SCN4A: variants seen among roughly 807,000 people sequenced by gnomAD.
SCN4A encodes sodium channel protein type 4 subunit alpha.
Under a neutral mutation model 162.0 loss-of-function variants are expected in SCN4A, and 83 were observed. The observed-to-expected ratio is 0.51, with a 90% CI of 0.43 to 0.61. SCN4A has a LOEUF of 0.61. Among genes scored for constraint, SCN4A ranks in the 20% least tolerant of loss-of-function variants. The pLI, the probability that SCN4A is intolerant of heterozygous loss-of-function variation, is 0.00. For synonymous variants in SCN4A, 944 were observed against 985.1 expected (o/e 0.96, Z 0.78); for missense variants, 2,196 against 2,462.5 (o/e 0.89, Z 2.29).
chr17:63,943,740 C>G lies in SCN4A; in HGVS notation c.4017+6G>C. The G allele has an allele frequency of 6.3e-7, 1 of 1,588,022 alleles. No homozygotes were observed. The highest frequency in any genetic ancestry group is 8.6e-7 in the Non-Finnish European group (1 of 1,156,672). ...CACACAGGACAGGGGGCCCAGAGGT[C>G]TGTACCTGGGGCCGGGGAATTGGCT... On this transcript the variant is annotated splice_donor_region_variant and intron_variant, in intron 22 of 23. Transcript: ENST00000435607.
chr17:63,949,768 G>T, intron 14 of SCN4A: 1 of 438,460 alleles, frequency 2.3e-6, no homozygotes, highest in Non-Finnish European at 4.1e-6. Flanking sequence ...CCTGGGAAGG[G>T]ACGGTAAGGG....
At chr17:63,955,197 G>A (rs2144790948) in intron 13 of SCN4A, among the ~76,000 whole-genome samples, 1 of 152,298 alleles carries the variant, frequency 6.6e-6, no homozygotes, top group East Asian at 1.9e-4. Flanking sequence ...TGTGGTTCTG[G>A]GCAGTGCCTC....
Position 63,948,732 on chromosome 17 carries a change from T to C in SCN4A, c.3023A>G (p.Asp1008Gly). ...CTTCTTCCCACGGCCCTGGGAGATG[T>C]CCACGTAGAGGCAGGGCCAGCGCTG... Reference protein sequence around the residue: ...CVQRWPCLYVDISQGRGKKWW... With the variant: ...CVQRWPCLYVGISQGRGKKWW... Residue 1008 changes from aspartate to glycine, a missense_variant, in exon 16 of 24, where the codon GAC becomes GGC. Coordinates refer to ENST00000435607, the MANE Select transcript of SCN4A (RefSeq NM_000334.4). The C allele has an allele frequency of 6.2e-7, 1 of 1,612,870 alleles. No homozygotes were observed. The highest frequency in any genetic ancestry group is 8.5e-7 in the Non-Finnish European group (1 of 1,179,342).
Position 63,949,537 on chromosome 17 carries a change from G to T in SCN4A, c.2854-9C>A, listed in dbSNP as rs529927463. 3 of 1,599,884 alleles carry T rather than the reference G, an allele frequency of 1.9e-6. No individual in the cohort carries two copies. The South Asian group carries it at 3.3e-5, about 18-fold the overall frequency. On this transcript the variant is annotated splice_polypyrimidine_tract_variant and intron_variant, in intron 14 of 23. Coordinates refer to ENST00000435607, the MANE Select transcript of SCN4A (RefSeq NM_000334.4). ...AGAGGCTGCGGCGGCTTCTGCGGAG[G>T]CCACAGGGTCACATGACATCTGGGT...
At chr17:63,964,051 T>C (rs927922648) in intron 9 of SCN4A, among the ~76,000 whole-genome samples, 8 of 152,182 alleles carry the variant, frequency 5.3e-5, no homozygotes, top group African/African-American at 1.9e-4. Context: ...CCCTTGACTC[T>C]GATGCCCTGA....
At position 63,972,388 on chromosome 17, in the gene SCN4A, A is replaced by T; in HGVS notation, c.356T>A (p.Val119Glu). ...CACCTTGATGGCCCCGCGCCTGACT[A>T]CGCTGAAGGGGCTCAGCAGGTAGAG... ...PALYLLSPFS[V>E]VRRGAIKVLI... Residue 119 changes from valine (V) to glutamate (E), a missense_variant, in exon 2 of 24, where the codon GTA (valine) becomes GAA (glutamate). Coordinates refer to ENST00000435607, the MANE Select transcript of SCN4A (RefSeq NM_000334.4). This position sits in a 1 kb window ranked among gnomAD's most constrained non-coding sequence, Gnocchi z 4.3. The T allele has an allele frequency of 6.2e-7, 1 of 1,613,946 alleles. No individual in the cohort carries two copies. The highest frequency in any genetic ancestry group is 8.5e-7 in the Non-Finnish European group (1 of 1,179,856).
chr17:63,949,720 C>T (rs1374874364), intron 14 of SCN4A, 192 bp from the exon 15 acceptor site: 7 of 583,888 alleles, frequency 1.2e-5, no homozygotes, highest in African/African-American at 5.7e-5. Context: ...TGGTCATGCC[C>T]GCATGACACT....
At position 63,949,484 on chromosome 17, in the gene SCN4A, G is replaced by A; in HGVS notation, c.2898C>T (p.Ser966=). Residue 966 remains serine (S), a synonymous_variant, in exon 15 of 24, where the codon AGC becomes AGT. Transcript: ENST00000435607. ...CCTCGGGGGGCTTGTAGTCAGCTGT[G>A]CTGCAGACGGACGAGTTCCCATCAT... ...PLYDGNSSVC[S]TADYKPPEED... The A allele has an allele frequency of 6.2e-7, 1 of 1,612,740 alleles. No homozygotes were observed. The highest frequency in any genetic ancestry group is 8.5e-7 in the Non-Finnish European group (1 of 1,179,252).
At chr17:63,952,268 C>T (rs746495955) in intron 13 of SCN4A, among the ~76,000 whole-genome samples, 2 of 151,422 alleles carry the variant, frequency 1.3e-5, no homozygotes. Flanking sequence ...TGCTGTGGCG[C>T]GATTTCGGCT....
intron 5 of SCN4A, among the ~76,000 whole-genome samples, chr17:63,969,602 T>C (rs1296730596): frequency 6.6e-6 from 1 of 152,206 alleles, no homozygotes; most frequent in Non-Finnish European, 1.5e-5. Context: ...GGCTTTAGAC[T>C]AGAAGATAGC....
At chr17:63,964,824 G>C (rs984954010) in intron 8 of SCN4A, 147 bp from the exon 9 acceptor site, 4 of 648,028 alleles carry the variant, frequency 6.2e-6, no homozygotes, top group Admixed American at 2.8e-5. Flanking sequence ...TCATTGGCAT[G>C]CTGAGCCATG....
rs928381225 is a variant in SCN4A, at chr17:63,947,872, C to T, written c.3318+18G>A. ...CAGCCTCTGGATGTAGCTACGGGGC[C>T]AGCGTGGGGGGACTCACATCCACGA... On this transcript the variant is annotated intron_variant, in intron 17 of 23. Coordinates refer to ENST00000435607, the MANE Select transcript of SCN4A (RefSeq NM_000334.4). 4 of 1,611,524 alleles carry T rather than the reference C, an allele frequency of 2.5e-6. No individual in the cohort carries two copies. The highest frequency in any genetic ancestry group is 3.3e-5 in the Admixed American group (2 of 59,818).
At position 63,941,740 on chromosome 17, in the gene SCN4A, A is replaced by G; in HGVS notation, c.4542T>C (p.Asp1514=). The G allele has an allele frequency of 3.1e-6, 5 of 1,614,036 alleles. No individual in the cohort carries two copies. The highest frequency in any genetic ancestry group is 1.1e-5 in the South Asian group (1 of 91,078). ...FAYVKKESGI[D]DMFNFETFGN... is the part of the protein sequence containing the mutation. ...CGAAGGTCTCGAAGTTGAACATATC[A>G]TCGATGCCCGACTCCTTCTTGACGT... Residue 1514 remains aspartate (D), a synonymous_variant, in exon 24 of 24, where the codon GAT becomes GAC. Transcript: ENST00000435607. The surrounding 1 kb of genome is among the most constrained non-coding windows in gnomAD (Gnocchi z 6.2).
chr17:63,943,417 C>A (rs1293269147), intron 22 of SCN4A, among the ~76,000 whole-genome samples: 1 of 152,104 alleles, frequency 6.6e-6, no homozygotes. Context: ...TGGACATCCT[C>A]CTCCTTCCAC....
At chr17:63,946,473 C>CA (rs1555601586) in intron 18 of SCN4A, among the ~76,000 whole-genome samples, 4 of 122,490 alleles carry the variant, frequency 3.3e-5, no homozygotes, top group South Asian at 2.6e-4. Flanking sequence ...CCCCCCCCCC[C>CA]ACCCCGCCGC....
intron 12 of SCN4A, 52 bp downstream of exon 12, chr17:63,959,213 G>A (rs1597978562): frequency 6.6e-7 from 1 of 1,520,418 alleles, no homozygotes; most frequent in Admixed American, 1.8e-5. Flanking sequence ...ACCCTCCTTA[G>A]TCTCCTCACC....
Position 63,968,087 on chromosome 17 carries a change from C to T in SCN4A, c.972G>A (p.Trp324Ter), listed in dbSNP as rs1461934536. Residue 324 changes from tryptophan to a stop codon, truncating the protein, a stop_gained, in exon 6 of 24, where the codon TGG (tryptophan) becomes TGA (stop). Transcript: ENST00000435607. LOFTEE classifies it high-confidence loss of function. ...GNDSWYANDTWNSHASWATND... is the reference protein window; with the variant it reads ...GNDSWYANDT ...TGGTGGCCCAGCTTGCATGGCTGTT[C>T]CACGTGTCGTTGGCATACCATGAGT... 4 of 1,613,968 alleles carry T rather than the reference C, an allele frequency of 2.5e-6. No individual in the cohort carries two copies. Among genetic ancestry groups the T allele is most frequent in the Non-Finnish European group, 3.4e-6 (4 of 1,179,882 alleles).
At position 63,971,258 on chromosome 17, in the gene SCN4A, G is replaced by A; in HGVS notation, c.612-5C>T. The A allele has an allele frequency of 6.8e-7, 1 of 1,472,122 alleles. No individual in the cohort carries two copies. The highest frequency in any genetic ancestry group is 9.3e-7 in the Non-Finnish European group (1 of 1,077,490). 91.2% of individuals were successfully genotyped at this position (1,472,122 alleles called of 1,614,324 possible). The stretch of plus-strand genomic sequence containing the variant: ...TCCACAAACTCTGTCAGGTACCTGG[G>A]TAGGGGGTGGAGGGGGGTGGGGACT... On this transcript the variant is annotated splice_polypyrimidine_tract_variant and splice_region_variant and intron_variant, in intron 4 of 23. Coordinates refer to ENST00000435607, the MANE Select transcript of SCN4A (RefSeq NM_000334.4).
Position 63,951,936 on chromosome 17 carries a change from C to A in SCN4A, c.2377-36G>T. ...GGGTCAGGGGGAGCCTCACATCAGT[C>A]CCCGGGACCCAGAGGGTGCCACCTT... On this transcript the variant is annotated intron_variant, in intron 13 of 23. Transcript: ENST00000435607. This position sits in a 1 kb window ranked among gnomAD's most constrained non-coding sequence, Gnocchi z 4.5. 1 of 1,367,494 alleles carries A rather than the reference C, an allele frequency of 7.3e-7. No homozygotes were observed. Among genetic ancestry groups the A allele is most frequent in the South Asian group, 1.4e-5 (1 of 71,694 alleles). The allele number at this position is 1,367,494 out of a possible 1,614,324, so 84.7% of individuals were successfully genotyped here. A position where few individuals can be genotyped will look rare whatever the true frequency, so the allele number is the denominator to read the frequency against.
Sources: allele counts gnomAD v4.1 joint callset (sites outside exome capture counted in the v4.1 genomes callset), GRCh38; gene constraint gnomAD v4.1.1; non-coding constraint Gnocchi (gnomAD v3.1); transcripts MANE v1.5; gene names NCBI Gene and HGNC (gene_info 2026-07-23, HGNC 2026-07-21).